CMSS1: variants seen among roughly 807,000 people sequenced by gnomAD.
CMSS1 encodes protein CMSS1.
A neutral mutation model predicts 43.5 loss-of-function variants in CMSS1; 33 were observed. The ratio of observed to expected loss-of-function variants is 0.76; its 90% confidence interval spans 0.57 to 1.01. The LOEUF (loss-of-function observed/expected upper bound fraction) is 1.01. CMSS1 is among the 50% of genes least tolerant of loss of function. The pLI, the probability that CMSS1 is intolerant of heterozygous loss-of-function variation, is 0.00. For missense variants in CMSS1, 313 were observed against 326.4 expected, an observed-to-expected ratio of 0.96 and a Z score of 0.32; for synonymous variants, 115 against 117.2, an observed-to-expected ratio of 0.98 and a Z score of 0.12.
intron 1 of CMSS1, among the ~76,000 whole-genome samples, chr3:100,025,223 C>T (rs547367048): frequency 6.6e-6 from 1 of 152,274 alleles, no homozygotes; most frequent in Non-Finnish European, 1.5e-5. Context: ...CTTCTTGCCA[C>T]TACACAGCCC....
At position 99,976,230 on chromosome 3, in the gene CMSS1, A is replaced by G. The variant is rs187953942; in HGVS notation, c.64+158187A>G. On this transcript the variant is annotated intron_variant, in intron 1 of 9. Coordinates refer to ENST00000421999, the MANE Select transcript of CMSS1 (RefSeq NM_032359.4). ...AGAAGGTGGAACATAGTAAGTCCAT[A>G]TAGTGTATGCTGCTATTAGTCTACT... 4.3e-3 allele frequency among the ~76,000 whole-genome samples: 648 copies of G among 152,274 alleles called. 2 individuals carry two copies. Among genetic ancestry groups the G allele is most frequent in the Non-Finnish European group, 7.4e-3 (505 of 68,022 alleles).
At chr3:99,834,834 C>G (rs941725628) in intron 1 of CMSS1, among the ~76,000 whole-genome samples, 1 of 152,172 alleles carries the variant, frequency 6.6e-6, no homozygotes, top group Non-Finnish European at 1.5e-5. Flanking sequence ...CTAGCTGTGT[C>G]TCTTTGAGCA....
chr3:99,818,399 G>A lies in CMSS1; in HGVS notation c.64+356G>A, dbSNP rs548863884. Reference sequence around the variant, plus strand: ...ATTCAGACTGAGGTCAGAAGCAGGGGTTGCTGCTTCAGACTCCCTCCATTC... The same window carrying A: ...ATTCAGACTGAGGTCAGAAGCAGGGATTGCTGCTTCAGACTCCCTCCATTC... On this transcript the variant is annotated intron_variant, in intron 1 of 9. Coordinates refer to ENST00000421999, the MANE Select transcript of CMSS1 (RefSeq NM_032359.4). 2.0e-3 allele frequency among the ~76,000 whole-genome samples: 304 copies of A among 152,320 alleles called. 1 individual carries two copies. Among genetic ancestry groups the A allele is most frequent in the African/African-American group, 6.9e-3 (285 of 41,572 alleles).
intron 1 of CMSS1, among the ~76,000 whole-genome samples, chr3:100,005,305 C>T (rs569494131): frequency 1.3e-5 from 2 of 152,286 alleles, no homozygotes; most frequent in African/African-American, 2.4e-5. Context: ...TGACTACTGT[C>T]ACTCAAACAG....
At chr3:99,829,480 A>G (rs1000340465) in intron 1 of CMSS1, among the ~76,000 whole-genome samples, 1 of 152,232 alleles carries the variant, frequency 6.6e-6, no homozygotes, top group East Asian at 1.9e-4. Context: ...GGGCATATTC[A>G]TAGGTTATCA....
intron 1 of CMSS1, among the ~76,000 whole-genome samples, chr3:99,846,576 T>G (rs1943373372): frequency 6.6e-6 from 1 of 152,228 alleles, no homozygotes; most frequent in Non-Finnish European, 1.5e-5. Flanking sequence ...AAGATAAATG[T>G]GTTTAAACAG....
chr3:99,823,157 C>A (rs1253466909), intron 1 of CMSS1, among the ~76,000 whole-genome samples: 2 of 152,256 alleles, frequency 1.3e-5, no homozygotes, highest in East Asian at 1.9e-4. Context: ...GAAATTGTGT[C>A]TATTAGTTTT....
chr3:100,160,416 G>T lies in CMSS1; in HGVS notation c.154-14G>T. 1 of 1,328,324 alleles carries T rather than the reference G, an allele frequency of 7.5e-7. No individual in the cohort carries two copies. The highest frequency in any genetic ancestry group is 1.1e-6 in the Non-Finnish European group (1 of 930,348). 82.3% of individuals were successfully genotyped at this position (1,328,324 alleles called of 1,614,324 possible). A position where few individuals can be genotyped will look rare whatever the true frequency, so the allele number is the denominator to read the frequency against. On this transcript the variant is annotated splice_polypyrimidine_tract_variant and intron_variant, in intron 2 of 9. Transcript: ENST00000421999. ...TGAAAAGATTAAAATGTTCTCATTTGTATTTCTTAATAGCCTAAAGAATGT... is the reference window on the plus strand; with the variant it reads ...TGAAAAGATTAAAATGTTCTCATTTTTATTTCTTAATAGCCTAAAGAATGT...
intron 1 of CMSS1, among the ~76,000 whole-genome samples, chr3:99,824,837 C>T (rs1309778358): frequency 6.6e-6 from 1 of 152,204 alleles, no homozygotes; most frequent in Non-Finnish European, 1.5e-5. Context: ...CAGCTTTTGT[C>T]ACCTAGAATC....
intron 1 of CMSS1, among the ~76,000 whole-genome samples, chr3:99,887,908 A>AT (rs564409321): frequency 8.7e-5 from 13 of 149,578 alleles, no homozygotes; most frequent in Middle Eastern, 3.4e-3. Context: ...CACCTGGCTA[A>AT]TTTTTTTTTT....
chr3:100,011,219 A>T (rs1410118037), intron 1 of CMSS1, among the ~76,000 whole-genome samples: 1 of 152,150 alleles, frequency 6.6e-6, no homozygotes, highest in Non-Finnish European at 1.5e-5. Flanking sequence ...CTTTCTGTAA[A>T]AGTGAGGTAG....
chr3:99,983,083 T>C (rs535387184), intron 1 of CMSS1, among the ~76,000 whole-genome samples: 39 of 152,264 alleles, frequency 2.6e-4, no homozygotes, highest in African/African-American at 9.1e-4. Flanking sequence ...GATGAAAATA[T>C]TAAAAATGCC....
At position 100,136,374 on chromosome 3, in the gene CMSS1, G is replaced by C. The variant is rs111381052; in HGVS notation, c.65-10599G>C. 8.1e-4 allele frequency among the ~76,000 whole-genome samples: 124 copies of C among 152,298 alleles called. 1 individual carries two copies. The highest frequency in any genetic ancestry group is 2.8e-3 in the African/African-American group (118 of 41,572). ...AGCTTTGAGTGGTCTTGTGTCCTGG[G>C]ACCTGGACCCCAGGACTGCAGGACT... On this transcript the variant is annotated intron_variant, in intron 1 of 9. Coordinates refer to ENST00000421999, the MANE Select transcript of CMSS1 (RefSeq NM_032359.4).
chr3:99,857,254 C>T (rs934536570), intron 1 of CMSS1, among the ~76,000 whole-genome samples: 4 of 152,164 alleles, frequency 2.6e-5, no homozygotes, highest in Admixed American at 2.0e-4. Flanking sequence ...GTGGGTTTCC[C>T]ATCAGTGTTC....
intron 1 of CMSS1, among the ~76,000 whole-genome samples, chr3:100,064,544 C>T (rs2065629376): frequency 6.6e-6 from 1 of 152,136 alleles, no homozygotes; most frequent in African/African-American, 2.4e-5. Flanking sequence ...TGACAAATGC[C>T]ACCCACTATT....
At chr3:99,929,951 T>C in intron 1 of CMSS1, 1 of 1,614,060 alleles carries the variant, frequency 6.2e-7, no homozygotes, top group Non-Finnish European at 8.5e-7. Context: ...TTTTTTGGAG[T>C]GACAAACCCA....
intron 1 of CMSS1, among the ~76,000 whole-genome samples, chr3:99,820,815 C>T (rs1163997459): frequency 6.6e-6 from 1 of 152,020 alleles, no homozygotes; most frequent in African/African-American, 2.4e-5. Context: ...TTGTTTCAGC[C>T]TAAAGTATGT....
chr3:100,169,693 T>C (rs1233779725), intron 6 of CMSS1, among the ~76,000 whole-genome samples: 2 of 152,220 alleles, frequency 1.3e-5, no homozygotes, highest in African/African-American at 4.8e-5. Context: ...CTTTCCATTT[T>C]TTCTGCTCTA....
intron 1 of CMSS1, among the ~76,000 whole-genome samples, chr3:100,133,612 T>C (rs2066727787): frequency 1.3e-5 from 2 of 152,234 alleles, no homozygotes; most frequent in South Asian, 4.1e-4. Flanking sequence ...TATTTTACTC[T>C]GTCTTGTTTA....
Sources: gnomAD v4.1 joint callset for allele counts (sites outside exome capture counted in the v4.1 genomes callset) on GRCh38, gnomAD v4.1.1 for gene constraint, MANE v1.5 for transcripts, NCBI Gene and HGNC (gene_info 2026-07-23, HGNC 2026-07-21) for gene names.